CPVL: variants seen among roughly 807,000 people sequenced by gnomAD.
The protein encoded by CPVL is probable serine carboxypeptidase CPVL.
CPVL carries 51 observed loss-of-function variants against 63.7 expected under a neutral mutation model. The ratio of observed to expected loss-of-function variants is 0.80; its 90% CI spans 0.64 to 1.01. The LOEUF (loss-of-function observed/expected upper bound fraction) is 1.01. CPVL is among the 50% of genes least tolerant of loss of function. The probability of loss-of-function intolerance (pLI) is 0.00; values close to 1 mark genes in which losing one functional copy is unlikely to be tolerated. For synonymous variants in CPVL, 195 were observed against 206.0 expected, an observed-to-expected ratio of 0.95 and a Z score of 0.46; for missense variants, 530 against 573.1, an observed-to-expected ratio of 0.92 and a Z score of 0.77.
chr7:29,106,093 T>C lies in CPVL; in HGVS notation c.288+6611A>G, dbSNP rs550204244. ...TTCACTGAGTACCCTGGTCCAAAGC[T>C]GGTCAACCATCCTTGGGTAAATAGG... is the stretch of plus-strand genomic sequence containing the variant. On this transcript the variant is annotated intron_variant, in intron 3 of 12. Transcript: ENST00000265394. 7.2e-5 allele frequency among the ~76,000 whole-genome samples: 11 copies of C among 152,238 alleles called. No homozygotes were observed. The East Asian group carries it at 2.1e-3, about 29-fold the overall frequency.
intron 4 of CPVL, among the ~76,000 whole-genome samples, chr7:29,183,171 G>A (rs779426211): frequency 2.7e-5 from 4 of 147,876 alleles, no homozygotes; most frequent in South Asian, 2.1e-4. Context: ...TGTAACCTCC[G>A]CCTCCCAGGT....
intron 11 of CPVL, among the ~76,000 whole-genome samples, chr7:29,044,757 C>T (rs1055031641): frequency 2.0e-5 from 3 of 152,150 alleles, no homozygotes; most frequent in South Asian, 4.1e-4. Context: ...CGGATGTAAT[C>T]GCCTGTGTTT....
intron 12 of CPVL, among the ~76,000 whole-genome samples, chr7:29,026,614 AAGAG>A (rs1787516787): frequency 6.6e-6 from 1 of 152,102 alleles, no homozygotes; most frequent in African/African-American, 2.4e-5. Flanking sequence ...TCAAGAAAAA[AAGAG>A]AGAAAACCCA....
chr7:29,141,644 T>C (rs35682316), intron 1 of CPVL, among the ~76,000 whole-genome samples: 18,236 of 151,700 alleles, frequency 0.12, 1,155 homozygotes, highest in Non-Finnish European at 0.14. Context: ...TGGCCGGGCG[T>C]TGTGGCTCAC....
chr7:29,098,513 T>C (rs1469392674), intron 3 of CPVL, among the ~76,000 whole-genome samples: 1 of 152,132 alleles, frequency 6.6e-6, no homozygotes, highest in Non-Finnish European at 1.5e-5. Context: ...GCCTAATGTA[T>C]GATAAAAGCA....
chr7:29,116,050 G>A (rs1027947294), intron 2 of CPVL, among the ~76,000 whole-genome samples: 1 of 152,050 alleles, frequency 6.6e-6, no homozygotes, highest in African/African-American at 2.4e-5. Flanking sequence ...CTTGGGACTC[G>A]GCATGCTGAC....
chr7:29,069,770 ATGTGTGTGTGTGTGTGTGTG>A (rs70977102), intron 9 of CPVL, among the ~76,000 whole-genome samples: 2,744 of 132,326 alleles, frequency 0.021, 85 homozygotes, highest in African/African-American at 0.07. Flanking sequence ...TCACCAGTAA[ATGTGTGTGTGTGTGTGTGTG>A]TGTGTGTGTG....
At chr7:29,128,175 GTTTTTTTTTTT>G (rs67806252) in intron 1 of CPVL, 12 of 139,602 alleles carry the variant, frequency 8.6e-5, no homozygotes, top group Non-Finnish European at 6.2e-5. Context: ...AAAGTTAAGA[GTTTTTTTTTTT>G]TTTTTTTTTT....
intron 5 of CPVL, among the ~76,000 whole-genome samples, chr7:29,153,991 T>A (rs556153776): frequency 4.8e-4 from 73 of 152,336 alleles, no homozygotes; most frequent in Non-Finnish European, 7.6e-4. Context: ...AGGCTTCTGG[T>A]CAACAGTAGG....
intron 3 of CPVL, among the ~76,000 whole-genome samples, chr7:29,097,955 C>T (rs978910395): frequency 1.3e-5 from 2 of 152,106 alleles, no homozygotes; most frequent in Admixed American, 6.5e-5. Context: ...AGTCGCCAGG[C>T]GAATCCCCCA....
intron 11 of CPVL, among the ~76,000 whole-genome samples, chr7:29,043,971 C>T (rs1376682580): frequency 2.0e-5 from 3 of 152,230 alleles, no homozygotes; most frequent in Non-Finnish European, 2.9e-5. Flanking sequence ...TGGAGTCAGA[C>T]TGTATGGCAA....
chr7:29,053,183 G>A (rs1790376034), intron 11 of CPVL, among the ~76,000 whole-genome samples: 3 of 152,050 alleles, frequency 2.0e-5, no homozygotes, highest in Admixed American at 2.0e-4. Flanking sequence ...TGGAGAAACT[G>A]GAACTTCAAA....
chr7:29,146,164 G>A (rs1319849450), intron 1 of CPVL: 1 of 159,140 alleles, frequency 6.3e-6, no homozygotes, highest in Non-Finnish European at 1.4e-5. Context: ...TTCTAGCCTG[G>A]AAGAACCCCG....
At chr7:29,027,942 A>G (rs917600925) in intron 12 of CPVL, among the ~76,000 whole-genome samples, 4 of 152,188 alleles carry the variant, frequency 2.6e-5, no homozygotes, top group African/African-American at 9.7e-5. Flanking sequence ...CTATTAAAAT[A>G]CCAATGGCAT....
intron 3 of CPVL, among the ~76,000 whole-genome samples, chr7:29,111,488 C>CTCACT (rs1431860677): frequency 6.6e-6 from 1 of 152,206 alleles, no homozygotes; most frequent in African/African-American, 2.4e-5. Context: ...CTCTAGGCAT[C>CTCACT]TCACTTGCCT....
upstream of CPVL, among the ~76,000 whole-genome samples, chr7:29,151,040 G>A (rs987476660): frequency 1.3e-5 from 2 of 152,192 alleles, no homozygotes; most frequent in Non-Finnish European, 2.9e-5. Flanking sequence ...TTCATTAAGT[G>A]AGAAGTAGGC....
At chr7:29,146,746 G>A (rs1339041758), upstream of CPVL, 6 of 1,550,266 alleles carry the variant, frequency 3.9e-6, no homozygotes, top group East Asian at 1.5e-4. Flanking sequence ...TGCCATTCAG[G>A]TTGGTTTGTC....
At chr7:29,000,202 T>C (rs1207207351) in intron 12 of CPVL, among the ~76,000 whole-genome samples, 2 of 152,126 alleles carry the variant, frequency 1.3e-5, no homozygotes, top group Admixed American at 6.5e-5. Context: ...TAATTCTCCC[T>C]GGAACTAGAA....
chr7:29,182,108 GAACT>G (rs1227014999), intron 4 of CPVL, among the ~76,000 whole-genome samples: 1 of 152,108 alleles, frequency 6.6e-6, no homozygotes, highest in Admixed American at 6.6e-5. Flanking sequence ...TGCAAAATGA[GAACT>G]AACACTCATT....
Sources: gnomAD v4.1 joint callset for allele counts (sites outside exome capture counted in the v4.1 genomes callset) on GRCh38, gnomAD v4.1.1 for gene constraint, MANE v1.5 for transcripts, NCBI Gene and HGNC (gene_info 2026-07-23, HGNC 2026-07-21) for gene names.